Variants in CNTNAP4 observed in about 807,000 individuals in gnomAD.
CNTNAP4 encodes the protein contactin associated protein family member 4.
A neutral mutation model predicts 148.4 loss-of-function variants in CNTNAP4; 98 were observed. The observed-to-expected ratio is 0.66, with a 90% CI of 0.56 to 0.78. The LOEUF is 0.78. Ranked by LOEUF, CNTNAP4 falls within the 30% of genes least tolerant of loss-of-function variation. The probability of loss-of-function intolerance (pLI) is 0.00; values close to 1 mark genes in which losing one functional copy is unlikely to be tolerated. For missense variants in CNTNAP4, 1,935 were observed against 1,565.6 expected, an observed-to-expected ratio of 1.24 and a Z score of -3.98; for synonymous variants, 730 against 565.1, an observed-to-expected ratio of 1.29 and a Z score of -4.14.
In CNTNAP4 at chr16:76,318,785, AT is replaced by A. The variant is rs560991899; in HGVS notation, c.196+2264del. On this transcript the variant is annotated intron_variant, in intron 2 of 23. Transcript: ENST00000611870. ...CATAATAATAATCATAATCATAATA[AT>A]TAATAATTATGAGAAATTATTCTCA... Among the ~76,000 whole-genome samples, 864 of 149,004 alleles carry A rather than the reference AT, an allele frequency of 5.8e-3. 5 individuals carry two copies. Among genetic ancestry groups the A allele is most frequent in the African/African-American group, 0.015 (606 of 40,810 alleles).
chr16:76,462,109 A>C lies in CNTNAP4; in HGVS notation c.1483+4A>C, dbSNP rs370640673. On this transcript the variant is annotated splice_donor_region_variant and intron_variant, in intron 9 of 23. Coordinates refer to ENST00000611870, the MANE Select transcript of CNTNAP4 (RefSeq NM_033401.5). ...GGTGGCACCTATTATTTTGGAGGTA[A>C]GAATAGGTGCCAGGCTCTATGAGCA... 6.2e-7 allele frequency: 1 copy of C among 1,612,326 alleles called. No individual in the cohort carries two copies. The highest frequency in any genetic ancestry group is 1.1e-5 in the South Asian group (1 of 90,930).
intron 17 of CNTNAP4, among the ~76,000 whole-genome samples, chr16:76,532,233 C>G (rs1367131702): frequency 6.6e-6 from 1 of 152,206 alleles, no homozygotes; most frequent in Non-Finnish European, 1.5e-5. Context: ...GATAAGTCTT[C>G]TTTTACCAGA....
chr16:76,397,145 C>A (rs1031220060), intron 3 of CNTNAP4, among the ~76,000 whole-genome samples: 2 of 151,790 alleles, frequency 1.3e-5, no homozygotes, highest in Non-Finnish European at 2.9e-5. Flanking sequence ...AAACCTTTCA[C>A]GGACATAAGG....
chr16:76,539,345 G>A (rs1597106151), intron 19 of CNTNAP4, among the ~76,000 whole-genome samples: 1 of 151,906 alleles, frequency 6.6e-6, no homozygotes, highest in Non-Finnish European at 1.5e-5. Flanking sequence ...TCCAGAGTGT[G>A]AGATATATTT....
intron 13 of CNTNAP4, among the ~76,000 whole-genome samples, chr16:76,491,359 A>C (rs1039360138): frequency 9.2e-5 from 14 of 152,232 alleles, no homozygotes; most frequent in Admixed American, 3.9e-4. Context: ...ACATAGATAG[A>C]TGAAACCTTG....
intron 3 of CNTNAP4, among the ~76,000 whole-genome samples, chr16:76,415,535 A>G (rs937680416): frequency 1.3e-5 from 2 of 151,094 alleles, no homozygotes; most frequent in African/African-American, 2.4e-5. Context: ...GTACAATACT[A>G]TTTATTACCT....
At chr16:76,333,129 G>A (rs1887481908) in intron 2 of CNTNAP4, among the ~76,000 whole-genome samples, 1 of 152,184 alleles carries the variant, frequency 6.6e-6, no homozygotes. Context: ...GTGCTGAGGT[G>A]GTCTTGTCAC....
chr16:76,499,296 C>T (rs550011363), intron 15 of CNTNAP4, among the ~76,000 whole-genome samples: 2 of 152,162 alleles, frequency 1.3e-5, no homozygotes, highest in South Asian at 2.1e-4. Flanking sequence ...TTCAACCATT[C>T]TTCATGTGAC....
At chr16:76,426,294 C>T (rs780537877) in intron 3 of CNTNAP4, among the ~76,000 whole-genome samples, 4 of 152,108 alleles carry the variant, frequency 2.6e-5, no homozygotes, top group Non-Finnish European at 2.9e-5. Context: ...TGATCAGATA[C>T]CCTGGGTATT....
intron 17 of CNTNAP4, 55 bp from the exon 18 acceptor site, chr16:76,535,490 A>C: frequency 1.3e-6 from 2 of 1,589,138 alleles, no homozygotes; most frequent in Non-Finnish European, 1.7e-6. Context: ...TTGGTCTTTA[A>C]ACCCTGAATA....
intron 4 of CNTNAP4, among the ~76,000 whole-genome samples, chr16:76,445,129 T>C (rs1381949737): frequency 2.6e-5 from 4 of 152,106 alleles, no homozygotes; most frequent in Admixed American, 1.3e-4. Context: ...AATCCTAGTT[T>C]ATGGGGACAA....
chr16:76,468,017 T>A (rs1312043341), intron 10 of CNTNAP4, among the ~76,000 whole-genome samples: 2 of 152,128 alleles, frequency 1.3e-5, no homozygotes, highest in Non-Finnish European at 2.9e-5. Flanking sequence ...CATTACCATC[T>A]TCTCTGGAGG....
rs1304875038 is a variant in CNTNAP4 at position 76,555,321 on chromosome 16, G to A, written c.3733+1414G>A. Among the ~76,000 whole-genome samples the A allele has an allele frequency of 2.0e-5, 3 of 151,980 alleles. No homozygotes were observed. In the East Asian group the frequency reaches 5.8e-4, roughly 29 times the overall value. The stretch of plus-strand genomic sequence containing the variant: ...GTACAAATTAAAGTTATAAAAAATA[G>A]GATTCCCATTTAATCACCAAACATG... On this transcript the variant is annotated intron_variant, in intron 23 of 23. Transcript: ENST00000611870.
intron 3 of CNTNAP4, among the ~76,000 whole-genome samples, chr16:76,408,845 T>A (rs1446726222): frequency 1.3e-5 from 2 of 152,004 alleles, no homozygotes; most frequent in African/African-American, 4.8e-5. Context: ...TCTCTGAACA[T>A]GTTCTCTGTG....
chr16:76,450,376 C>A (rs2080416793), intron 7 of CNTNAP4, among the ~76,000 whole-genome samples: 1 of 152,152 alleles, frequency 6.6e-6, no homozygotes, highest in South Asian at 2.1e-4. Context: ...TCTTGAACTC[C>A]TGACCTTGGG....
At chr16:76,368,841 A>G (rs184826913) in intron 3 of CNTNAP4, among the ~76,000 whole-genome samples, 20 of 152,304 alleles carry the variant, frequency 1.3e-4, no homozygotes, top group African/African-American at 4.8e-4. Flanking sequence ...AATTACATTA[A>G]TTAAATTAAA....
At chr16:76,460,265 G>A (rs1422909917) in intron 8 of CNTNAP4, among the ~76,000 whole-genome samples, 3 of 149,586 alleles carry the variant, frequency 2.0e-5, no homozygotes, top group Admixed American at 6.6e-5. Flanking sequence ...GTGCCATCAC[G>A]CCTGGCTAAT....
At chr16:76,499,963 A>T (rs565448960) in intron 15 of CNTNAP4, among the ~76,000 whole-genome samples, 1 of 152,250 alleles carries the variant, frequency 6.6e-6, no homozygotes, top group South Asian at 2.1e-4. Flanking sequence ...ACTTCTTTCT[A>T]CACAGACACA....
intron 3 of CNTNAP4, among the ~76,000 whole-genome samples, chr16:76,379,119 C>T (rs1487234308): frequency 2.6e-5 from 4 of 152,164 alleles, no homozygotes; most frequent in Non-Finnish European, 5.9e-5. Flanking sequence ...TTTTGCTCTG[C>T]ACCATTCCTT....
Sources: allele counts gnomAD v4.1 joint callset (sites outside exome capture counted in the v4.1 genomes callset), GRCh38; gene constraint gnomAD v4.1.1; transcripts MANE v1.5; gene names NCBI Gene and HGNC (gene_info 2026-07-23, HGNC 2026-07-21).